NXN: variants seen among roughly 807,000 people sequenced by gnomAD.
The protein encoded by NXN is nucleoredoxin 1.
A neutral mutation model predicts 48.6 loss-of-function variants in NXN; 16 were observed. That is an observed-to-expected ratio of 0.33 (90% CI 0.22 to 0.50). The LOEUF is 0.50. NXN is among the 20% of genes least tolerant of loss of function. The pLI, the probability that NXN is intolerant of heterozygous loss-of-function variation, is 0.98. For missense variants in NXN, 492 were observed against 605.5 expected, an observed-to-expected ratio of 0.81 and a Z score of 1.97; for synonymous variants, 281 against 269.6, an observed-to-expected ratio of 1.04 and a Z score of -0.41.
intron 1 of NXN, among the ~76,000 whole-genome samples, chr17:828,994 G>A (rs893139316): frequency 1.3e-5 from 2 of 152,124 alleles, no homozygotes; most frequent in East Asian, 1.9e-4. Flanking sequence ...ATGACTCACC[G>A]CTCAGGAAAG....
intron 5 of NXN, among the ~76,000 whole-genome samples, chr17:811,248 C>T (rs1393426460): frequency 6.6e-6 from 1 of 152,224 alleles, no homozygotes; most frequent in East Asian, 1.9e-4. Context: ...TGCTCCAGGC[C>T]CTGCACAGCC....
In NXN at chr17:942,005, T is replaced by C. The variant is rs1354399513; in HGVS notation, c.360+37314A>G. Among the ~76,000 whole-genome samples the C allele has an allele frequency of 8.1e-5, 4 of 49,626 alleles. 2 individuals carry two copies. The highest frequency in any genetic ancestry group is 8.5e-5 in the Non-Finnish European group (2 of 23,648). 32.6% of individuals were successfully genotyped at this position (49,626 alleles called of 152,430 possible). A position where few individuals can be genotyped will look rare whatever the true frequency, so the allele number is the denominator to read the frequency against. Reference sequence around the variant, plus strand: ...ATTTCCAGTGAACAAGATTCCAGGGTGCAGCCATGAACTCACATCACACCT... The same window carrying C: ...ATTTCCAGTGAACAAGATTCCAGGGCGCAGCCATGAACTCACATCACACCT... On this transcript the variant is annotated intron_variant, in intron 1 of 7. Transcript: ENST00000336868.
At chr17:859,460 A>T (rs970068885) in intron 1 of NXN, among the ~76,000 whole-genome samples, 2 of 152,186 alleles carry the variant, frequency 1.3e-5, no homozygotes, top group Non-Finnish European at 2.9e-5. Context: ...AAATGTGAAA[A>T]GTTGACTTCC....
In NXN at chr17:964,295, TG is replaced by T. The variant is rs200666936; in HGVS notation, c.360+15023del. 1.1e-3 allele frequency among the ~76,000 whole-genome samples: 169 copies of T among 152,290 alleles called. 2 individuals carry two copies. In the East Asian group the frequency reaches 0.03, roughly 27 times the overall value. ...GTGTTTTGTTGTAAGGATCTCTATT[TG>T]CCTGAACTGTTGGCTCAGGGGCAGA... On this transcript the variant is annotated intron_variant, in intron 1 of 7. Coordinates refer to ENST00000336868, the MANE Select transcript of NXN (RefSeq NM_022463.5).
At chr17:885,185 C>T (rs908594281) in intron 1 of NXN, among the ~76,000 whole-genome samples, 1 of 152,120 alleles carries the variant, frequency 6.6e-6, no homozygotes, top group African/African-American at 2.4e-5. Context: ...CATATGCGGC[C>T]GGTCGCAGTG....
At chr17:915,625 G>A (rs2068680838) in intron 1 of NXN, among the ~76,000 whole-genome samples, 1 of 152,318 alleles carries the variant, frequency 6.6e-6, no homozygotes, top group South Asian at 2.1e-4. Context: ...AAGTGAGAAT[G>A]AATGAGTACA....
intron 1 of NXN, among the ~76,000 whole-genome samples, chr17:943,323 A>AG (rs773608057): frequency 1.3e-5 from 2 of 152,056 alleles, no homozygotes; most frequent in South Asian, 4.2e-4. Context: ...CTCCAGAGAA[A>AG]GGTCACCAAC....
At chr17:912,840 G>A (rs1597236209) in intron 1 of NXN, among the ~76,000 whole-genome samples, 1 of 152,108 alleles carries the variant, frequency 6.6e-6, no homozygotes, top group Non-Finnish European at 1.5e-5. Context: ...TGTAATCCCA[G>A]CTACTCGGGA....
chr17:955,824 C>A (rs1398581116), intron 1 of NXN, among the ~76,000 whole-genome samples: 2 of 151,976 alleles, frequency 1.3e-5, no homozygotes, highest in African/African-American at 4.8e-5. Context: ...ATGGCGTGAA[C>A]CCGGGAGGCG....
chr17:939,557 G>A (rs1224189584), intron 1 of NXN, among the ~76,000 whole-genome samples: 1 of 152,066 alleles, frequency 6.6e-6, no homozygotes, highest in Non-Finnish European at 1.5e-5. Flanking sequence ...TGTTGGCCAG[G>A]CTGGTCTCAA....
In NXN at chr17:800,998, G is replaced by A. The variant is rs375068787; in HGVS notation, c.1259C>T (p.Ala420Val). 7 of 1,560,116 alleles carry A rather than the reference G, an allele frequency of 4.5e-6. No homozygotes were observed. The African/African-American group carries it at 9.6e-5, about 21-fold the overall frequency. Residue 420 changes from alanine to valine, a missense_variant, in exon 8 of 8, where the codon GCC (alanine) becomes GTC (valine). Transcript: ENST00000336868. The part of the protein sequence containing the change: ...VEEITPAIVE[A>V]FVNDFLAEKL... ...CTCTGCTAGGAAGTCATTCACAAAG[G>A]CCTCCACGATGGCGGGGGTGATCTC...
At chr17:827,146 C>A (rs1913149700) in intron 1 of NXN, among the ~76,000 whole-genome samples, 1 of 152,110 alleles carries the variant, frequency 6.6e-6, no homozygotes, top group Non-Finnish European at 1.5e-5. Context: ...GAGTTCAAGA[C>A]CAGCCTGGGC....
At chr17:954,322 A>T (rs146198587) in intron 1 of NXN, among the ~76,000 whole-genome samples, 2 of 152,128 alleles carry the variant, frequency 1.3e-5, no homozygotes, top group African/African-American at 4.8e-5. Flanking sequence ...TGGAGGTTGC[A>T]GTGAGCCGAG....
rs899591731 is a variant in NXN at position 813,201 on chromosome 17, A to G, written c.820+6238T>C. 3.3e-5 allele frequency among the ~76,000 whole-genome samples: 5 copies of G among 152,392 alleles called. No homozygotes were observed. In the South Asian group the frequency reaches 1.0e-3, roughly 32 times the overall value. On this transcript the variant is annotated intron_variant, in intron 5 of 7. Coordinates refer to ENST00000336868, the MANE Select transcript of NXN (RefSeq NM_022463.5). ...CTACAAAGCTTATGAACGAATGCAC[A>G]GTTCCTTCAGAGGTATTTCGGCCCA...
intron 1 of NXN, among the ~76,000 whole-genome samples, chr17:889,761 A>AAAAGAAAGAAAGAAAGAAAAAG (rs758144919): frequency 8.5e-5 from 6 of 70,780 alleles, no homozygotes; most frequent in African/African-American, 3.2e-4. Flanking sequence ...GAAAGAAAGA[A>AAAAGAAAGAAAGAAAGAAAAAG]AAAGAAAGAA....
Position 823,742 on chromosome 17 carries a change from T to C in NXN, c.502A>G (p.Lys168Glu). Residue 168 changes from lysine to glutamate, a missense_variant, in exon 3 of 8, where the codon AAA becomes GAA. Transcript: ENST00000336868. ...PEGLEFPWGPKPFREVIAGPL... is the reference protein window; with the variant it reads ...PEGLEFPWGPEPFREVIAGPL... ...CCTGCAATGACTTCCCTGAAGGGTT[T>C]CGGTCCCCAGGGGAACTCCAGACCT... 6.2e-7 allele frequency: 1 copy of C among 1,614,148 alleles called. No individual in the cohort carries two copies. Among genetic ancestry groups the C allele is most frequent in the Non-Finnish European group, 8.5e-7 (1 of 1,180,026 alleles).
intron 1 of NXN, among the ~76,000 whole-genome samples, chr17:914,995 T>C (rs1418830132): frequency 1.2e-4 from 18 of 151,714 alleles, no homozygotes; most frequent in Admixed American, 3.9e-4. Context: ...AGTGCAGTGG[T>C]GCGATCTCGG....
intron 1 of NXN, among the ~76,000 whole-genome samples, chr17:897,509 C>T (rs917776325): frequency 2.6e-5 from 4 of 152,124 alleles, no homozygotes; most frequent in South Asian, 2.1e-4. Context: ...AAATGCCGGG[C>T]GGCCTCATTC....
chr17:833,657 GA>G (rs1387744869), intron 1 of NXN, among the ~76,000 whole-genome samples: 1 of 152,144 alleles, frequency 6.6e-6, no homozygotes, highest in African/African-American at 2.4e-5. Flanking sequence ...TAAATTCACA[GA>G]GTTCATAAAT....
Sources: gnomAD v4.1 joint callset for allele counts (sites outside exome capture counted in the v4.1 genomes callset) on GRCh38, gnomAD v4.1.1 for gene constraint, MANE v1.5 for transcripts, NCBI Gene and HGNC (gene_info 2026-07-23, HGNC 2026-07-21) for gene names.